GALK2: variants seen among roughly 807,000 people sequenced by gnomAD.
GALK2 encodes galactokinase 2.
In GALK2, 36 loss-of-function variants were observed where a neutral mutation model predicts 52.4. That is an observed-to-expected ratio of 0.69 (90% CI 0.53 to 0.91). GALK2 has a LOEUF of 0.91. Ranked by LOEUF, GALK2 falls within the 40% of genes least tolerant of loss-of-function variation. GALK2 has a pLI of 0.00. For synonymous variants in GALK2, 176 were observed against 199.1 expected (o/e 0.88, Z 0.98); for missense variants, 579 against 559.1 (o/e 1.04, Z -0.36).
intron 8 of GALK2, among the ~76,000 whole-genome samples, chr15:49,299,739 C>CTTTCTTTTT (rs2034846340): frequency 3.9e-5 from 3 of 76,324 alleles, no homozygotes; most frequent in African/African-American, 1.6e-4. Context: ...TCTTTCTTTT[C>CTTTCTTTTT]TTTCTTTCTT....
At chr15:49,265,703 C>T (rs770298476) in intron 5 of GALK2, among the ~76,000 whole-genome samples, 8 of 152,198 alleles carry the variant, frequency 5.3e-5, no homozygotes, top group Non-Finnish European at 8.8e-5. Context: ...TGTTCCTATT[C>T]GGCCATCTTT....
intron 8 of GALK2, among the ~76,000 whole-genome samples, chr15:49,308,196 G>A (rs1277233444): frequency 2.0e-5 from 3 of 152,190 alleles, no homozygotes; most frequent in Admixed American, 2.0e-4. Context: ...GGAAACAGAG[G>A]ACTCTGTTCT....
At chr15:49,318,431 C>T (rs2036599038) in intron 8 of GALK2, among the ~76,000 whole-genome samples, 1 of 151,862 alleles carries the variant, frequency 6.6e-6, no homozygotes, top group East Asian at 1.9e-4. Flanking sequence ...TATGTGTATG[C>T]AAAATTAGTA....
chr15:49,233,666 G>C (rs571982695), intron 3 of GALK2, among the ~76,000 whole-genome samples: 126 of 152,252 alleles, frequency 8.3e-4, no homozygotes, highest in African/African-American at 2.9e-3. Context: ...GTGACCTCTT[G>C]TTGATGGTGA....
intron 5 of GALK2, among the ~76,000 whole-genome samples, chr15:49,264,557 C>T (rs1458154671): frequency 6.6e-6 from 1 of 152,192 alleles, no homozygotes; most frequent in Non-Finnish European, 1.5e-5. Context: ...TCGTCTGAAG[C>T]CTTCTTCTCT....
intron 1 of GALK2, among the ~76,000 whole-genome samples, chr15:49,198,574 A>T (rs2087442260): frequency 6.6e-6 from 1 of 152,170 alleles, no homozygotes; most frequent in South Asian, 2.1e-4. Context: ...GTTTAATAAT[A>T]TCCTTGTATA....
At chr15:49,187,544 A>G (rs1047907713) in intron 1 of GALK2, among the ~76,000 whole-genome samples, 3 of 152,212 alleles carry the variant, frequency 2.0e-5, no homozygotes, top group Non-Finnish European at 4.4e-5. Context: ...GGATTGGTCC[A>G]GAAATGCTGT....
At chr15:49,177,761 T>C in intron 1 of GALK2, 1 of 756,416 alleles carries the variant, frequency 1.3e-6, no homozygotes, top group Non-Finnish European at 2.0e-6. Context: ...ACTGGTTTGG[T>C]GATCCACTGG....
At chr15:49,234,925 C>A (rs914006951) in intron 3 of GALK2, among the ~76,000 whole-genome samples, 2 of 152,092 alleles carry the variant, frequency 1.3e-5, no homozygotes, top group South Asian at 2.1e-4. Context: ...CACCACCACA[C>A]CCAGATAATT....
intron 1 of GALK2, 105 bp from the exon 2 acceptor site, chr15:49,201,053 AGTGT>A (rs10629223): frequency 0.051 from 20,112 of 397,592 alleles, 266 homozygotes; most frequent in Middle Eastern, 0.12. Flanking sequence ...AGGCATATGG[AGTGT>A]GTGTGTGTGT....
intron 2 of GALK2, among the ~76,000 whole-genome samples, chr15:49,216,949 A>AT (rs1483445462): frequency 6.6e-6 from 1 of 152,024 alleles, no homozygotes; most frequent in Non-Finnish European, 1.5e-5. Context: ...AGGTACTGTG[A>AT]TTTTCAGGTA....
upstream of GALK2, chr15:49,170,179 C>G (rs990139582): frequency 2.7e-6 from 4 of 1,469,374 alleles, no homozygotes; most frequent in East Asian, 1.0e-4. Flanking sequence ...AAGCAGCCAC[C>G]TCAGCGAAGC....
At chr15:49,178,047 T>TA (rs1410278322) in intron 1 of GALK2, among the ~76,000 whole-genome samples, 1 of 149,944 alleles carries the variant, frequency 6.7e-6, no homozygotes, top group African/African-American at 2.5e-5. Context: ...CGCACACCTA[T>TA]AATCCCAGCT....
chr15:49,365,732 C>G, intron 3 of GALK2: 3 of 883,668 alleles, frequency 3.4e-6, no homozygotes, highest in Non-Finnish European at 5.8e-6. Flanking sequence ...TCCAAGATAT[C>G]TTGTAAAATC....
Position 49,192,491 on chromosome 15 carries a change from A to ATATGTATG in GALK2, c.54-8668_54-8667insGTATGTAT, listed in dbSNP as rs933028319. On this transcript the variant is annotated intron_variant, in intron 1 of 9. Coordinates refer to ENST00000560031, the MANE Select transcript of GALK2 (RefSeq NM_002044.4). The stretch of plus-strand genomic sequence containing the variant: ...ATGAATATTATATATATATGTATAT[A>ATATGTATG]TATATATATATATATATATATATAT... Among the ~76,000 whole-genome samples, 26 of 25,418 alleles carry ATATGTATG rather than the reference A, an allele frequency of 1.0e-3. No homozygotes were observed. In the Admixed American group the frequency reaches 0.015, roughly 14 times the overall value. 16.7% of individuals were successfully genotyped at this position (25,418 alleles called of 152,430 possible). A position where few individuals can be genotyped will look rare whatever the true frequency, so the allele number is the denominator to read the frequency against.
At chr15:49,226,200 C>T (rs1032681681) in intron 3 of GALK2, among the ~76,000 whole-genome samples, 3 of 152,126 alleles carry the variant, frequency 2.0e-5, no homozygotes, top group African/African-American at 7.2e-5. Context: ...CAGGCAGATC[C>T]CCTTGCCAGT....
intron 2 of GALK2, among the ~76,000 whole-genome samples, chr15:49,206,106 C>T (rs2088257076): frequency 6.6e-6 from 1 of 152,102 alleles, no homozygotes; most frequent in Admixed American, 6.5e-5. Context: ...TATTTTTATA[C>T]TAGTACCACG....
chr15:49,294,950 A>G (rs1055843188), intron 8 of GALK2, among the ~76,000 whole-genome samples: 33 of 152,174 alleles, frequency 2.2e-4, no homozygotes, highest in African/African-American at 7.7e-4. Context: ...AACATGCACC[A>G]AGAGGTATTG....
intron 3 of GALK2, among the ~76,000 whole-genome samples, chr15:49,364,404 A>G (rs1460205479): frequency 6.6e-6 from 1 of 151,832 alleles, no homozygotes; most frequent in Non-Finnish European, 1.5e-5. Flanking sequence ...GTGCATAGAG[A>G]TGTTCATAGT....
Sources: allele counts gnomAD v4.1 joint callset (sites outside exome capture counted in the v4.1 genomes callset), GRCh38; gene constraint gnomAD v4.1.1; transcripts MANE v1.5; gene names NCBI Gene and HGNC (gene_info 2026-07-23, HGNC 2026-07-21).